The following DOCK11 variants were observed in gnomAD, a reference collection of about 807,000 sequenced individuals.
DOCK11 encodes the protein dedicator of cytokinesis 11.
In DOCK11, 70 loss-of-function variants were observed where a neutral mutation model predicts 169.1. That is an observed-to-expected ratio of 0.41 (90% CI 0.34 to 0.51). The LOEUF is 0.51. Ranked by LOEUF, DOCK11 falls within the 20% of genes least tolerant of loss-of-function variation. The pLI, the probability that DOCK11 is intolerant of heterozygous loss-of-function variation, is 0.10. For synonymous variants in DOCK11, 529 were observed against 541.3 expected, an observed-to-expected ratio of 0.98 and a Z score of 0.32; for missense variants, 1,166 against 1,538.8, an observed-to-expected ratio of 0.76 and a Z score of 4.05.
chrX:118,516,806 T>A, intron 1 of DOCK11, among the ~76,000 whole-genome samples: 1 of 112,101 alleles, frequency 8.9e-6, no homozygotes, highest in South Asian at 3.7e-4. Flanking sequence ...ATCCTATTTT[T>A]ATAAAATAAT....
chrX:118,529,634 A>G (rs2011461668), intron 1 of DOCK11, among the ~76,000 whole-genome samples: 1 of 112,194 alleles, frequency 8.9e-6, no homozygotes, highest in Non-Finnish European at 1.9e-5. Flanking sequence ...GAGGGTAGAG[A>G]GACAGAAAAG....
At chrX:118,567,823 A>G (rs777650025) in intron 9 of DOCK11, among the ~76,000 whole-genome samples, 120 of 111,765 alleles carry the variant, frequency 1.1e-3, no homozygotes, top group Non-Finnish European at 1.7e-3. Context: ...GTATTTCCCA[A>G]AGTGATGGAA....
chrX:118,602,867 A>G (rs1010110853), intron 23 of DOCK11, among the ~76,000 whole-genome samples: 6 of 112,265 alleles, frequency 5.3e-5, no homozygotes, highest in East Asian at 2.8e-4. Context: ...TCATTTATTC[A>G]GTAAGTCACC....
chrX:118,577,898 A>G (rs1366340456), intron 12 of DOCK11, among the ~76,000 whole-genome samples: 1 of 112,193 alleles, frequency 8.9e-6, no homozygotes, highest in Non-Finnish European at 1.9e-5. Context: ...TGTAGATGAT[A>G]TTATATTTGG....
intron 23 of DOCK11, among the ~76,000 whole-genome samples, chrX:118,600,449 C>T (rs1282391946): frequency 9.3e-6 from 1 of 108,031 alleles, no homozygotes; most frequent in Non-Finnish European, 1.9e-5. Flanking sequence ...ATTAGGGCAT[C>T]TGCCGGATAG....
chrX:118,622,787 CTG>C (rs1391177068), intron 31 of DOCK11, among the ~76,000 whole-genome samples: 1 of 111,905 alleles, frequency 8.9e-6, no homozygotes, highest in Admixed American at 9.6e-5. Flanking sequence ...ACTGCAAAAT[CTG>C]TGCTGTCAGC....
chrX:118,553,562 A>G (rs949049304), intron 6 of DOCK11, among the ~76,000 whole-genome samples: 7 of 111,045 alleles, frequency 6.3e-5, no homozygotes, highest in African/African-American at 2.3e-4. Context: ...TGCCCTTTAA[A>G]ATTTTTTTGG....
At chrX:118,505,368 A>G (rs1465428981) in intron 1 of DOCK11, among the ~76,000 whole-genome samples, 1 of 112,468 alleles carries the variant, frequency 8.9e-6, no homozygotes, top group Non-Finnish European at 1.9e-5. Flanking sequence ...TATTGAAAGC[A>G]CTTCAAGTGG....
intron 1 of DOCK11, among the ~76,000 whole-genome samples, chrX:118,540,051 C>CAAAAAAAAA (rs58922946): frequency 4.7e-5 from 2 of 42,294 alleles, no homozygotes; most frequent in Non-Finnish European, 8.1e-5. Context: ...AACTCCATCT[C>CAAAAAAAAA]AAAAAAAAAA....
chrX:118,593,162 A>AGTTT, intron 19 of DOCK11, 52 bp from the exon 20 acceptor site: 1 of 1,157,097 alleles, frequency 8.6e-7, no homozygotes, highest in Non-Finnish European at 1.2e-6. Flanking sequence ...AATGTCTGAC[A>AGTTT]GTTTCAGCTT....
chrX:118,572,421 C>G lies in DOCK11; in HGVS notation c.1134C>G (p.Ile378Met). Reference protein sequence around the residue: ...LVNCHDLTFNILGQIGDNAKG... With the variant: ...LVNCHDLTFNMLGQIGDNAKG... ...ATTGCCATGATTTAACTTTCAATAT[C>G]TTGGGCCAAATTGGAGACAATGCAA... Residue 378 changes from isoleucine (I) to methionine (M), a missense_variant, in exon 11 of 53, where the codon ATC becomes ATG. Ile to Met is a conservative substitution (Grantham distance 10). Coordinates refer to ENST00000276202, the MANE Select transcript of DOCK11 (RefSeq NM_144658.4). 2 of 1,206,198 alleles carry G rather than the reference C, an allele frequency of 1.7e-6. No individual in the cohort carries two copies. The highest frequency in any genetic ancestry group is 2.2e-6 in the Non-Finnish European group (2 of 892,273).
intron 6 of DOCK11, among the ~76,000 whole-genome samples, chrX:118,552,877 C>CA (rs1556278213): frequency 2.2e-4 from 24 of 107,020 alleles, no homozygotes; most frequent in South Asian, 1.2e-3. Flanking sequence ...ACCTCATCCC[C>CA]TTTTTTTTTT....
chrX:118,670,742 C>T (rs971606712), intron 45 of DOCK11, among the ~76,000 whole-genome samples: 3 of 111,437 alleles, frequency 2.7e-5, no homozygotes, highest in Non-Finnish European at 3.8e-5. Flanking sequence ...GATGTGTTAA[C>T]GTTTACAACT....
At chrX:118,615,744 G>GT in intron 30 of DOCK11, 33 bp downstream of exon 30, 3 of 1,092,236 alleles carry the variant, frequency 2.7e-6, no homozygotes, top group Middle Eastern at 2.5e-4. Context: ...ATTTGAGTTT[G>GT]TTTTTTTCCA....
In DOCK11 at chrX:118,608,076, C is replaced by T. The variant is rs1388197579; in HGVS notation, c.2686C>T (p.Leu896Phe). Residue 896 changes from leucine (L) to phenylalanine (F), a missense_variant, in exon 25 of 53, where the codon CTC becomes TTC. Transcript: ENST00000276202. The part of the protein sequence containing the change: ...DDVPINCTMV[L>F]LHIVSKCHEE... ...CTCTTGTGAATGTCGTTTCAGGGTT[C>T]TCTTACATATTGTATCAAAGTGCCA... 9 of 1,196,383 alleles carry T rather than the reference C, an allele frequency of 7.5e-6. No homozygotes were observed. Among genetic ancestry groups the T allele is most frequent in the Non-Finnish European group, 1.0e-5 (9 of 888,590 alleles).
chrX:118,583,690 G>A (rs1283974724), intron 14 of DOCK11, among the ~76,000 whole-genome samples: 4 of 111,200 alleles, frequency 3.6e-5, no homozygotes, highest in African/African-American at 9.8e-5. Context: ...CAGTATCCAT[G>A]GGGCATTGGT....
chrX:118,545,876 C>T (rs2012254366), intron 5 of DOCK11, 145 bp from the exon 6 acceptor site: 1 of 434,282 alleles, frequency 2.3e-6, no homozygotes, highest in South Asian at 4.0e-5. Context: ...ATTCTACAGT[C>T]AACTATTTTA....
chrX:118,575,844 T>C (rs2013427777), intron 12 of DOCK11, among the ~76,000 whole-genome samples: 1 of 112,598 alleles, frequency 8.9e-6, no homozygotes, highest in Non-Finnish European at 1.9e-5. Flanking sequence ...TGTGTAGCAC[T>C]CAGCTGTATG....
intron 41 of DOCK11, among the ~76,000 whole-genome samples, 184 bp downstream of exon 41, chrX:118,649,311 G>GA (rs976970515): frequency 9.0e-6 from 1 of 111,215 alleles, no homozygotes; most frequent in African/African-American, 3.3e-5. Flanking sequence ...GACTAAGTAT[G>GA]AAAAAAATAG....
Sources: gnomAD v4.1 joint callset for allele counts (sites outside exome capture counted in the v4.1 genomes callset) on GRCh38, gnomAD v4.1.1 for gene constraint, MANE v1.5 for transcripts, NCBI Gene and HGNC (gene_info 2026-07-23, HGNC 2026-07-21) for gene names.